ATE1: variants seen among roughly 807,000 people sequenced by gnomAD.
ATE1 encodes the protein arginyltransferase 1, also known as arginyl-tRNA--protein transferase 1.
ATE1 carries 36 observed loss-of-function variants against 70.5 expected under a neutral mutation model. That is an observed-to-expected ratio of 0.51 (90% CI 0.39 to 0.67). ATE1 has a LOEUF of 0.67. Among genes scored for constraint, ATE1 ranks in the 30% least tolerant of loss-of-function variants. The pLI, the probability that ATE1 is intolerant of heterozygous loss-of-function variation, is 0.00. For synonymous variants in ATE1, 232 were observed against 219.3 expected (o/e 1.06, Z -0.51); for missense variants, 593 against 629.5 (o/e 0.94, Z 0.62).
intron 10 of ATE1, among the ~76,000 whole-genome samples, chr10:121,830,248 T>C (rs1948184555): frequency 6.6e-6 from 1 of 152,180 alleles, no homozygotes. Context: ...AGATGGGGCC[T>C]AGTGGGAAGT....
At chr10:121,887,492 G>A (rs1028682035) in intron 7 of ATE1, among the ~76,000 whole-genome samples, 1 of 151,958 alleles carries the variant, frequency 6.6e-6, no homozygotes, top group Non-Finnish European at 1.5e-5. Flanking sequence ...GGAGGATCAG[G>A]TGATGCCAGG....
At chr10:121,898,087 T>C in intron 7 of ATE1, among the ~76,000 whole-genome samples, 1 of 152,150 alleles carries the variant, frequency 6.6e-6, no homozygotes, top group African/African-American at 2.4e-5. Context: ...TTGGCCTCTT[T>C]CTTCCAACAT....
intron 10 of ATE1, 24 bp downstream of exon 10, chr10:121,836,694 C>T (rs570718753): frequency 1.2e-5 from 16 of 1,361,240 alleles, no homozygotes; most frequent in Middle Eastern, 2.4e-4. Flanking sequence ...AATAAAAATA[C>T]ACATATGTGA....
intron 10 of ATE1, among the ~76,000 whole-genome samples, chr10:121,824,316 G>A (rs943299036): frequency 2.0e-5 from 3 of 152,140 alleles, no homozygotes; most frequent in African/African-American, 4.8e-5. Context: ...CACCTACCAC[G>A]TGTGTCCACA....
Position 121,919,101 on chromosome 10 carries a change from C to T in ATE1, c.233+3248G>A, listed in dbSNP as rs574765219. 2.0e-5 allele frequency among the ~76,000 whole-genome samples: 3 copies of T among 152,112 alleles called. No homozygotes were observed. The East Asian group carries it at 5.8e-4, about 29-fold the overall frequency. On this transcript the variant is annotated intron_variant, in intron 3 of 11. Coordinates refer to ENST00000224652, the MANE Select transcript of ATE1 (RefSeq NM_001001976.3). ...AAATAAGGGAATAAAAGCTGGCCAC[C>T]CTACCCAGCAGTGGCAACCCACTAG... is the stretch of plus-strand genomic sequence containing the variant.
chr10:121,770,751 A>C (rs899555598), intron 11 of ATE1, among the ~76,000 whole-genome samples: 1 of 143,462 alleles, frequency 7.0e-6, no homozygotes, highest in African/African-American at 2.6e-5. Context: ...AAAAAAAAAA[A>C]CTCTTATTAG....
intron 11 of ATE1, among the ~76,000 whole-genome samples, chr10:121,776,167 G>A (rs1030455777): frequency 2.6e-5 from 4 of 152,140 alleles, no homozygotes; most frequent in Non-Finnish European, 4.4e-5. Context: ...ATTTCTCTGT[G>A]TTAGGAACAT....
intron 11 of ATE1, among the ~76,000 whole-genome samples, chr10:121,748,353 C>T (rs2935704): frequency 0.22 from 32,916 of 152,016 alleles, 4,727 homozygotes; most frequent in Non-Finnish European, 0.32. Flanking sequence ...GTATAATTTA[C>T]ATCAATTATT....
chr10:121,815,779 C>T (rs974054357), intron 10 of ATE1, among the ~76,000 whole-genome samples: 3 of 152,158 alleles, frequency 2.0e-5, no homozygotes, highest in Non-Finnish European at 4.4e-5. Flanking sequence ...CTACAGACTT[C>T]GACAAGTCAC....
chr10:121,909,642 C>T (rs1023468746), intron 5 of ATE1, among the ~76,000 whole-genome samples: 3 of 151,934 alleles, frequency 2.0e-5, no homozygotes, highest in Admixed American at 6.6e-5. Flanking sequence ...GTTTGAATAA[C>T]GATTTTTTAA....
chr10:121,804,788 T>C (rs1947030620), intron 10 of ATE1, among the ~76,000 whole-genome samples: 1 of 151,786 alleles, frequency 6.6e-6, no homozygotes, highest in African/African-American at 2.4e-5. Flanking sequence ...TTGAATCTAC[T>C]ACTGTTATCC....
At chr10:121,889,454 T>C (rs1433654559) in intron 7 of ATE1, among the ~76,000 whole-genome samples, 1 of 152,108 alleles carries the variant, frequency 6.6e-6, no homozygotes, top group East Asian at 1.9e-4. Context: ...ATACAGTTCA[T>C]GTAAAATGTG....
chr10:121,891,812 T>C (rs949254055), intron 7 of ATE1, among the ~76,000 whole-genome samples: 2 of 152,338 alleles, frequency 1.3e-5, no homozygotes, highest in East Asian at 3.9e-4. Context: ...TTTTTTACTT[T>C]AAATGTTTTC....
intron 7 of ATE1, among the ~76,000 whole-genome samples, chr10:121,882,190 A>C (rs1027597916): frequency 6.7e-6 from 1 of 148,934 alleles, no homozygotes; most frequent in African/African-American, 2.4e-5. Context: ...AGTGGTTTTG[A>C]ATATTACTTC....
At position 121,910,946 on chromosome 10, in the gene ATE1, T is replaced by A. The variant is rs763996800; in HGVS notation, c.543A>T (p.Glu181Asp). Reference sequence around the variant, plus strand: ...TGTGAACTTTAACTGAATGTGACGGTTCACCAGAGCCCAACTTCTCTCCTA... The same window carrying A: ...TGTGAACTTTAACTGAATGTGACGGATCACCAGAGCCCAACTTCTCTCCTA... ...DFVGEKLGSG[E>D]PSHSVKVHTV... Residue 181 changes from glutamate to aspartate, a missense_variant, in exon 5 of 12, where the codon GAA (glutamate) becomes GAT (aspartate). By Grantham distance (45) the Glu-to-Asp change is conservative (BLOSUM62 2). Transcript: ENST00000224652. 4 of 1,613,866 alleles carry A rather than the reference T, an allele frequency of 2.5e-6. No homozygotes were observed. The highest frequency in any genetic ancestry group is 3.4e-6 in the Non-Finnish European group (4 of 1,180,006).
intron 11 of ATE1, among the ~76,000 whole-genome samples, chr10:121,773,286 T>C (rs971987434): frequency 1.3e-5 from 2 of 152,240 alleles, no homozygotes; most frequent in Non-Finnish European, 2.9e-5. Flanking sequence ...AATGAAAAGG[T>C]GTAGGAGACC....
At chr10:121,865,337 A>G (rs1163966461) in intron 8 of ATE1, among the ~76,000 whole-genome samples, 3 of 152,214 alleles carry the variant, frequency 2.0e-5, no homozygotes, top group African/African-American at 7.2e-5. Flanking sequence ...AGAGAAACCT[A>G]GGTGACCTAC....
chr10:121,743,860 T>A lies in ATE1; in HGVS notation c.1379-2A>T. 1 of 1,583,872 alleles carries A rather than the reference T, an allele frequency of 6.3e-7. No homozygotes were observed. The highest frequency in any genetic ancestry group is 8.6e-7 in the Non-Finnish European group (1 of 1,168,162). ...GTTCCGTACTGCGATCCTCATCCAC[T>A]GCAACGACAAAAAATACTGATTTGT... On this transcript the variant is annotated splice_acceptor_variant, in intron 11 of 11. Coordinates refer to ENST00000224652, the MANE Select transcript of ATE1 (RefSeq NM_001001976.3). LOFTEE classifies it high-confidence loss of function.
intron 7 of ATE1, among the ~76,000 whole-genome samples, chr10:121,889,206 A>T (rs1950503591): frequency 6.6e-6 from 1 of 152,146 alleles, no homozygotes; most frequent in Non-Finnish European, 1.5e-5. Flanking sequence ...ACACTTATGC[A>T]TACTTTTCTG....
Sources: gnomAD v4.1 joint callset for allele counts (sites outside exome capture counted in the v4.1 genomes callset) on GRCh38, gnomAD v4.1.1 for gene constraint, MANE v1.5 for transcripts, NCBI Gene and HGNC (gene_info 2026-07-23, HGNC 2026-07-21) for gene names.